BRCA2: variants seen among roughly 807,000 people sequenced by gnomAD.
BRCA2 encodes breast cancer type 2 susceptibility protein.
In BRCA2, 203 loss-of-function variants were observed where a neutral mutation model predicts 276.7. That is an observed-to-expected ratio of 0.73 (90% confidence interval 0.65 to 0.82). The LOEUF (loss-of-function observed/expected upper bound fraction) is 0.82. Among genes scored for constraint, BRCA2 ranks in the 40% least tolerant of loss-of-function variants. The probability of loss-of-function intolerance (pLI) is 0.00; values close to 1 mark genes in which losing one functional copy is unlikely to be tolerated. For synonymous variants in BRCA2, 1,289 were observed against 1,338.4 expected (o/e 0.96, Z 0.81); for missense variants, 3,920 against 3,915.0 (o/e 1.00, Z -0.03).
intron 3 of BRCA2, among the ~76,000 whole-genome samples, chr13:32,321,338 G>C (rs1295051851): frequency 6.6e-6 from 1 of 152,180 alleles, no homozygotes. Context: ...AGCACGTCTT[G>C]TAAGCACATC....
rs1555283206 is a variant in BRCA2 at position 32,337,731 on chromosome 13, G to T, written c.3376G>T (p.Glu1126Ter). ...ATTAGAAGAATCAGGAAGTCAGTTT[G>T]AATTTACTCAGTTTAGAAAACCAAG... ...TILEESGSQF[E>*]FTQFRKPSYI... Residue 1126 changes from glutamate (E) to a stop codon, truncating the protein, a stop_gained, in exon 11 of 27, where the codon GAA becomes TAA. Transcript: ENST00000380152. LOFTEE classifies it high-confidence loss of function. The T allele has an allele frequency of 6.2e-7, 1 of 1,613,594 alleles. No individual in the cohort carries two copies. The highest frequency in any genetic ancestry group is 1.1e-5 in the South Asian group (1 of 90,920).
chr13:32,352,320 ATAGTT>A (rs2072658770), intron 13 of BRCA2, among the ~76,000 whole-genome samples: 1 of 152,180 alleles, frequency 6.6e-6, no homozygotes, highest in Admixed American at 6.5e-5. Context: ...AAATGGGAGA[ATAGTT>A]TAATGTATTT....
chr13:32,360,691 C>G (rs2072732512), intron 16 of BRCA2, among the ~76,000 whole-genome samples: 1 of 152,092 alleles, frequency 6.6e-6, no homozygotes, highest in African/African-American at 2.4e-5. Context: ...ATAATTCTGG[C>G]TGTTTGTTGA....
rs1799944 is a variant in BRCA2 at position 32,337,326 on chromosome 13, A to G, written c.2971A>G (p.Asn991Asp). Residue 991 changes from asparagine (N) to aspartate (D), a missense_variant, in exon 11 of 27, where the codon AAC (asparagine) becomes GAC (aspartate). This residue lies in a region of BRCA2 where 3,263 missense variants were observed against 3,156.9 expected (regional missense o/e 1.03). Transcript: ENST00000380152. Reference sequence around the variant, plus strand: ...ACCAGAAAAAAATAATGATTACATGAACAAATGGGCAGGACTCTTAGGTCC... The same window carrying G: ...ACCAGAAAAAAATAATGATTACATGGACAAATGGGCAGGACTCTTAGGTCC... ...KIPEKNNDYM[N>D]KWAGLLGPIS... 0.043 allele frequency: 69,654 copies of G among 1,613,690 alleles called. 2,250 individuals are homozygous for G. The highest frequency in any genetic ancestry group is 0.12 in the East Asian group (5,231 of 44,810).
intron 20 of BRCA2, chr13:32,375,440 A>G (rs1012528179): frequency 1.6e-5 from 7 of 432,808 alleles, no homozygotes; most frequent in East Asian, 7.0e-5. Context: ...TTGACTTCCC[A>G]TGAAACACTA....
Position 32,394,782 on chromosome 13 carries a change from AT to A in BRCA2, c.9351del (p.His3117GlnfsTer3), listed in dbSNP as rs2137652993. 1 of 1,614,132 alleles carries A rather than the reference AT, an allele frequency of 6.2e-7. No homozygotes were observed. The highest frequency in any genetic ancestry group is 8.5e-7 in the Non-Finnish European group (1 of 1,180,000). On this transcript the variant is annotated frameshift_variant, in exon 25 of 27. Coordinates refer to ENST00000380152, the MANE Select transcript of BRCA2 (RefSeq NM_000059.4). LOFTEE classifies it high-confidence loss of function. ...IDLNEDIIKPHMLIAASNLQW... is the reference protein window; with the variant it reads ...IDLNEDIIKPXMLIAASNLQW... ...CTTAATGAGGACATTATTAAGCCTC[AT>A]ATGTTAATTGCTGCAAGCAACCTCC...
At chr13:32,329,877 G>A (rs146387374) in intron 8 of BRCA2, among the ~76,000 whole-genome samples, 25 of 151,778 alleles carry the variant, frequency 1.6e-4, no homozygotes, top group African/African-American at 5.6e-4. Context: ...TCATAAATTA[G>A]GCACAGTAAG....
Position 32,366,868 on chromosome 13 carries a change from CAA to C in BRCA2, c.8331+3350_8331+3351del, listed in dbSNP as rs35628833. Reference sequence around the variant, plus strand: ...TATTGGTTTCATCTATCAAAAAGAACAAAAAAAAAAAAAAAAGGAATAATCCA... The same window carrying C: ...TATTGGTTTCATCTATCAAAAAGAACAAAAAAAAAAAAAAGGAATAATCCA... On this transcript the variant is annotated intron_variant, in intron 18 of 26. Coordinates refer to ENST00000380152, the MANE Select transcript of BRCA2 (RefSeq NM_000059.4). Among the ~76,000 whole-genome samples the C allele has an allele frequency of 5.3e-3, 611 of 115,990 alleles. 2 individuals are homozygous for C. Among genetic ancestry groups the C allele is most frequent in the Middle Eastern group, 0.016 (4 of 250 alleles). The allele number at this position is 115,990 out of a possible 152,430, so 76.1% of individuals were successfully genotyped here.
chr13:32,315,403 G>A (rs55710239), upstream of BRCA2: 1 of 152,254 alleles, frequency 6.6e-6, no homozygotes, highest in Non-Finnish European at 1.5e-5. Flanking sequence ...TACCCGCAGC[G>A]GCCCACCCAG....
intron 18 of BRCA2, among the ~76,000 whole-genome samples, chr13:32,367,436 CAAAG>C (rs904387864): frequency 6.8e-6 from 1 of 147,770 alleles, no homozygotes. Context: ...GACTCCATCT[CAAAG>C]AAAAAAAAAA....
chr13:32,320,253 A>G (rs764136616), intron 3 of BRCA2, among the ~76,000 whole-genome samples: 4 of 152,166 alleles, frequency 2.6e-5, no homozygotes, highest in Non-Finnish European at 5.9e-5. Context: ...ATCACATGCA[A>G]ATTTCATCAT....
At chr13:32,391,004 A>AATTTAGGG (rs2072993240) in intron 24 of BRCA2, among the ~76,000 whole-genome samples, 7 of 152,194 alleles carry the variant, frequency 4.6e-5, no homozygotes, top group Admixed American at 1.3e-4. Flanking sequence ...TTGAACTTAT[A>AATTTAGGG]CTTTCAGGCC....
intron 24 of BRCA2, among the ~76,000 whole-genome samples, chr13:32,390,045 C>T (rs569505631): frequency 8.5e-5 from 13 of 152,240 alleles, no homozygotes; most frequent in Non-Finnish European, 1.3e-4. Context: ...TGATATTCCA[C>T]GTTTGTAGAT....
At chr13:32,328,017 T>C (rs1036142511) in intron 7 of BRCA2, among the ~76,000 whole-genome samples, 1 of 152,024 alleles carries the variant, frequency 6.6e-6, no homozygotes, top group Admixed American at 6.6e-5. Flanking sequence ...ATTCCTGAGC[T>C]CAAGCAGCCA....
intron 16 of BRCA2, among the ~76,000 whole-genome samples, chr13:32,359,705 G>T (rs915156813): frequency 4.6e-5 from 7 of 152,150 alleles, no homozygotes; most frequent in Non-Finnish European, 1.0e-4. Flanking sequence ...ATAGATTCCA[G>T]TAAGAAAAGT....
chr13:32,396,272 A>G (rs879592009), intron 25 of BRCA2, among the ~76,000 whole-genome samples: 3 of 151,866 alleles, frequency 2.0e-5, no homozygotes, highest in Non-Finnish European at 2.9e-5. Context: ...CCGAGCCCGC[A>G]TTTTCTCTGA....
At chr13:32,365,073 C>CT (rs1177498642) in intron 18 of BRCA2, among the ~76,000 whole-genome samples, 1 of 117,566 alleles carries the variant, frequency 8.5e-6, no homozygotes, top group African/African-American at 3.2e-5. Flanking sequence ...TTTCATTTAT[C>CT]TTCTTTAGCA....
At chr13:32,396,840 G>A (rs1228721353) in intron 25 of BRCA2, 58 bp from the exon 26 acceptor site, 4 of 1,599,720 alleles carry the variant, frequency 2.5e-6, no homozygotes, top group Middle Eastern at 3.3e-4. Flanking sequence ...AATACTTTTG[G>A]AAACATAAAT....
Position 32,332,659 on chromosome 13 carries a change from A to C in BRCA2, c.1181A>C (p.Glu394Ala), listed in dbSNP as rs56016241. 41 of 1,614,026 alleles carry C rather than the reference A, an allele frequency of 2.5e-5. No homozygotes were observed. Among genetic ancestry groups the C allele is most frequent in the Non-Finnish European group, 3.4e-5 (40 of 1,179,994 alleles). ...GAAGTTGTACCGTCTTTGGCCTGTGAATGGTCTCAACTAACCCTTTCAGGT... is the reference window on the plus strand; with the variant it reads ...GAAGTTGTACCGTCTTTGGCCTGTGCATGGTCTCAACTAACCCTTTCAGGT... ...SKEVVPSLAC[E>A]WSQLTLSGLN... Residue 394 changes from glutamate (E) to alanine (A), a missense_variant, in exon 10 of 27, where the codon GAA (glutamate) becomes GCA (alanine). Physicochemically the swap from Glu to Ala is moderately radical, Grantham distance 107. Around this residue, in one of 2 missense-constraint regions of BRCA2, gnomAD observed 3,263 missense variants for 3,156.9 expected, o/e 1.03. Coordinates refer to ENST00000380152, the MANE Select transcript of BRCA2 (RefSeq NM_000059.4).
Sources: allele counts gnomAD v4.1 joint callset (sites outside exome capture counted in the v4.1 genomes callset), GRCh38; gene constraint gnomAD v4.1.1; regional missense constraint gnomAD v4.1.1; transcripts MANE v1.5; gene names NCBI Gene and HGNC (gene_info 2026-07-23, HGNC 2026-07-21).